Variants in RIF1 observed in about 807,000 individuals in gnomAD.
RIF1 encodes telomere-associated protein RIF1.
In RIF1, 45 loss-of-function variants were observed where a neutral mutation model predicts 247.1. The ratio of observed to expected loss-of-function variants is 0.18; its 90% confidence interval spans 0.14 to 0.23. RIF1 has a LOEUF of 0.23. RIF1 is among the 10% of genes least tolerant of loss of function. The pLI, the probability that RIF1 is intolerant of heterozygous loss-of-function variation, is 1.00. For synonymous variants in RIF1, 1,087 were observed against 978.8 expected (o/e 1.11, Z -2.06); for missense variants, 2,967 against 2,862.5 (o/e 1.04, Z -0.83).
At position 151,430,051 on chromosome 2, in the gene RIF1, C is replaced by T. The variant is rs573174836; in HGVS notation, c.925+1129C>T. 1.9e-3 allele frequency among the ~76,000 whole-genome samples: 280 copies of T among 148,396 alleles called. 2 individuals carry two copies. Among genetic ancestry groups the T allele is most frequent in the African/African-American group, 6.4e-3 (258 of 40,264 alleles). ...TTTTTTTTTTTTTGAGACGGAGTTTCGCTCTGTCGTCCAGGCTGGAGTGCA... is the reference window on the plus strand; with the variant it reads ...TTTTTTTTTTTTTGAGACGGAGTTTTGCTCTGTCGTCCAGGCTGGAGTGCA... On this transcript the variant is annotated intron_variant, in intron 9 of 35. Transcript: ENST00000444746.
intron 9 of RIF1, chr2:151,493,632 T>G (rs931043862): frequency 1.3e-4 from 98 of 757,468 alleles, no homozygotes; most frequent in Non-Finnish European, 1.2e-4. Flanking sequence ...CTCGTGGGGT[T>G]GGTTTGTTGT....
intron 2 of RIF1, 110 bp from the exon 3 acceptor site, chr2:151,411,150 C>A: frequency 1.5e-6 from 1 of 685,074 alleles, no homozygotes; most frequent in Non-Finnish European, 2.5e-6. Context: ...TGGGTCAATT[C>A]ATTTGCAGGA....
At chr2:151,525,940 C>A in the RIF1 span, 32 of 1,590,050 alleles carry the variant, frequency 2.0e-5, no homozygotes, top group Non-Finnish European at 2.4e-5. Context: ...GCCAAGAGAC[C>A]GGTGGTTGAT....
intron 21 of RIF1, among the ~76,000 whole-genome samples, 159 bp downstream of exon 21, chr2:151,451,864 C>T (rs548248468): frequency 2.6e-5 from 4 of 152,178 alleles, no homozygotes; most frequent in Non-Finnish European, 5.9e-5. Context: ...TACATGTTCT[C>T]TCTCTTTTTT....
Position 151,464,421 on chromosome 2 carries a change from C to T in RIF1, c.4901C>T (p.Thr1634Ile), listed in dbSNP as rs1444982569. The T allele has an allele frequency of 1.2e-6, 2 of 1,613,298 alleles. No individual in the cohort carries two copies. The highest frequency in any genetic ancestry group is 1.3e-5 in the African/African-American group (1 of 74,900). Reference sequence around the variant, plus strand: ...AATACTGTAATATGTCAGGATTCTACAGTAACTTCAGATTTGTTGCAAGTT... The same window carrying T: ...AATACTGTAATATGTCAGGATTCTATAGTAACTTCAGATTTGTTGCAAGTT... ...ESNTVICQDSTVTSDLLQVPD... is the reference protein window; with the variant it reads ...ESNTVICQDSIVTSDLLQVPD... The change falls in exon 30 of 36, where the codon ACA becomes ATA. Residue 1634 changes from threonine to isoleucine, a missense_variant. By Grantham distance (89) the Thr-to-Ile change is moderately conservative (BLOSUM62 -1). Coordinates refer to ENST00000444746, the MANE Select transcript of RIF1 (RefSeq NM_018151.5).
intron 34 of RIF1, among the ~76,000 whole-genome samples, chr2:151,473,404 T>C (rs1485813244): frequency 6.7e-6 from 1 of 149,820 alleles, no homozygotes; most frequent in Non-Finnish European, 1.5e-5. Flanking sequence ...CAAGCAGTTC[T>C]CCTGCCTCAG....
At chr2:151,451,015 C>T (rs1694220112) in intron 20 of RIF1, among the ~76,000 whole-genome samples, 2 of 152,112 alleles carry the variant, frequency 1.3e-5, no homozygotes, top group Admixed American at 1.3e-4. Context: ...GATATGATGG[C>T]TTTTATGGGG....
chr2:151,442,049 TTTTA>T, intron 16 of RIF1, 58 bp downstream of exon 16: 3 of 90,282 alleles, frequency 3.3e-5, no homozygotes, highest in South Asian at 1.1e-3. Context: ...TACTTCCCTT[TTTTA>T]TTTTATTTTA....
In RIF1 at chr2:151,506,195, C is replaced by T; in HGVS notation, c.*862-15C>T. 1.9e-6 allele frequency: 3 copies of T among 1,613,550 alleles called. No individual in the cohort carries two copies. The highest frequency in any genetic ancestry group is 2.2e-5 in the East Asian group (1 of 44,882). ...CTAATGTGGTCCTGTGTTTGTTTCA[C>T]TCTCATCATCTCAGGTGTCTTTCCG... On this transcript the variant is annotated splice_polypyrimidine_tract_variant and intron_variant and NMD_transcript_variant, in intron 12 of 13. Coordinates refer to the RIF1 transcript ENST00000454583.
chr2:151,410,769 A>G (rs1266638826), intron 2 of RIF1, among the ~76,000 whole-genome samples: 1 of 152,162 alleles, frequency 6.6e-6, no homozygotes, highest in African/African-American at 2.4e-5. Context: ...GTGTTTTGCA[A>G]GCGAGGGATT....
the RIF1 span, chr2:151,529,359 C>G: frequency 8.4e-7 from 1 of 1,185,550 alleles, no homozygotes; most frequent in Non-Finnish European, 1.3e-6. Context: ...TTTATAGCAG[C>G]ATACTGAGCA....
chr2:151,419,077 C>T (rs1687723821), intron 6 of RIF1, among the ~76,000 whole-genome samples: 1 of 151,050 alleles, frequency 6.6e-6, no homozygotes, highest in African/African-American at 2.4e-5. Flanking sequence ...CTCCCACCTC[C>T]ACATCTTGTC....
At chr2:151,450,356 GAC>G (rs1694084503) in intron 20 of RIF1, among the ~76,000 whole-genome samples, 1 of 152,044 alleles carries the variant, frequency 6.6e-6, no homozygotes, top group East Asian at 1.9e-4. Flanking sequence ...TTATTTATAA[GAC>G]ACTTGGGATC....
rs1362833586 is a variant in RIF1, at chr2:151,478,557, ACT to A, written c.*3489_*3490del. 2.6e-5 allele frequency: 4 copies of A among 151,798 alleles called. No homozygotes were observed. Among genetic ancestry groups the A allele is most frequent in the Non-Finnish European group, 4.4e-5 (3 of 67,958 alleles). 9.4% of individuals were successfully genotyped at this position (151,798 alleles called of 1,614,324 possible). Reference sequence around the variant, plus strand: ...CAGCTTGAAGATAAGATAGTTAAAGACTCTGTTACAATTTAAACATCATAAAA... The same window carrying A: ...CAGCTTGAAGATAAGATAGTTAAAGACTGTTACAATTTAAACATCATAAAA... On this transcript the variant is annotated 3_prime_UTR_variant, in exon 36 of 36. Transcript: ENST00000444746.
Position 151,477,926 on chromosome 2 carries a change from T to C in RIF1, c.*2855T>C, listed in dbSNP as rs761759258. ...GGTTTCACCATGTCAGCCAGGCTGG[T>C]CTCAAACTTCTGACCTCAGATATCC... On this transcript the variant is annotated 3_prime_UTR_variant, in exon 36 of 36. Transcript: ENST00000444746. The C allele has an allele frequency of 1.3e-5, 2 of 151,818 alleles. No individual in the cohort carries two copies. The highest frequency in any genetic ancestry group is 2.9e-5 in the Non-Finnish European group (2 of 68,024). The allele number at this position is 151,818 out of a possible 1,614,324, so 9.4% of individuals were successfully genotyped here.
chr2:151,445,772 C>G (rs1013333500), intron 19 of RIF1, among the ~76,000 whole-genome samples: 3 of 152,158 alleles, frequency 2.0e-5, no homozygotes, highest in African/African-American at 4.8e-5. Flanking sequence ...CACCTGACCT[C>G]AAGTGATCCA....
At chr2:151,434,436 A>C (rs1239403607) in intron 10 of RIF1, among the ~76,000 whole-genome samples, 1 of 105,460 alleles carries the variant, frequency 9.5e-6, no homozygotes, top group Non-Finnish European at 2.0e-5. Context: ...TTGGTTTTTG[A>C]ATTTTTTTTT....
chr2:151,413,568 G>A (rs540880101), intron 3 of RIF1, among the ~76,000 whole-genome samples: 3 of 152,294 alleles, frequency 2.0e-5, no homozygotes, highest in South Asian at 2.1e-4. Flanking sequence ...ACACATCATC[G>A]TTAAGGAACA....
At chr2:151,471,113 A>G (rs927889380) in intron 34 of RIF1, among the ~76,000 whole-genome samples, 3 of 152,042 alleles carry the variant, frequency 2.0e-5, no homozygotes, top group Admixed American at 2.0e-4. Context: ...CTTTTCCTCT[A>G]TAGATTTGCC....
Sources: allele counts gnomAD v4.1 joint callset (sites outside exome capture counted in the v4.1 genomes callset), GRCh38; gene constraint gnomAD v4.1.1; transcripts MANE v1.5; gene names NCBI Gene and HGNC (gene_info 2026-07-23, HGNC 2026-07-21).